COLEC10: variants seen among roughly 807,000 people sequenced by gnomAD.
COLEC10 encodes collectin-10.
COLEC10 carries 22 observed loss-of-function variants against 28.4 expected under a neutral mutation model. The ratio of observed to expected loss-of-function variants is 0.78; its 90% confidence interval spans 0.55 to 1.11. The LOEUF (loss-of-function observed/expected upper bound fraction) is 1.11. COLEC10 is among the 50% of genes least tolerant of loss of function. The pLI is 0.00. For synonymous variants in COLEC10, 125 were observed against 116.1 expected, an observed-to-expected ratio of 1.08 and a Z score of -0.49; for missense variants, 361 against 344.1, an observed-to-expected ratio of 1.05 and a Z score of -0.39.
At chr8:118,981,531 G>T in the COLEC10 span, among the ~76,000 whole-genome samples, 9 of 151,752 alleles carry the variant, frequency 5.9e-5, no homozygotes, top group African/African-American at 2.2e-4. Flanking sequence ...AAATTGTGTG[G>T]TATATTTTCT....
intron 1 of COLEC10, 71 bp from the exon 2 acceptor site, chr8:119,089,609 C>A: frequency 8.0e-7 from 1 of 1,254,178 alleles, no homozygotes; most frequent in Non-Finnish European, 1.2e-6. Context: ...CCATGTCCAC[C>A]TTACCCTGGG....
chr8:118,959,346 G>C, the COLEC10 span, among the ~76,000 whole-genome samples: 1 of 152,306 alleles, frequency 6.6e-6, no homozygotes, highest in Admixed American at 6.5e-5. Flanking sequence ...AGTGATTAGA[G>C]CTCAGGCTCT....
the COLEC10 span, among the ~76,000 whole-genome samples, chr8:118,959,680 C>A: frequency 2.0e-4 from 31 of 152,182 alleles, no homozygotes; most frequent in African/African-American, 6.3e-4. Context: ...GTTCATGCTA[C>A]AGCTACTACC....
At chr8:119,078,588 G>A (rs2465403) in intron 1 of COLEC10, among the ~76,000 whole-genome samples, 94,107 of 152,028 alleles carry the variant, frequency 0.62, 29,576 homozygotes, top group Middle Eastern at 0.74. Flanking sequence ...AATTCCAGCA[G>A]GCAGTTGGAA....
intron 2 of COLEC10, among the ~76,000 whole-genome samples, chr8:119,061,623 A>G (rs1814857880): frequency 6.6e-6 from 1 of 152,068 alleles, no homozygotes; most frequent in African/African-American, 2.4e-5. Context: ...CCCAGCCAAA[A>G]TATCACATAA....
chr8:118,959,056 C>A, the COLEC10 span, among the ~76,000 whole-genome samples: 1 of 152,312 alleles, frequency 6.6e-6, no homozygotes, highest in Admixed American at 6.5e-5. Context: ...TCCAAACAAC[C>A]TGGTACTTAC....
chr8:119,029,267 T>C (rs111610195), intron 2 of COLEC10, among the ~76,000 whole-genome samples: 2 of 152,314 alleles, frequency 1.3e-5, no homozygotes, highest in Admixed American at 6.5e-5. Context: ...GCAAAGGCCA[T>C]TCTGACTTCT....
intron 1 of COLEC10, among the ~76,000 whole-genome samples, chr8:119,081,417 C>A (rs1815367869): frequency 6.6e-6 from 1 of 151,988 alleles, no homozygotes; most frequent in Admixed American, 6.6e-5. Flanking sequence ...AAAAATATTA[C>A]TAATTTTTTA....
intron 2 of COLEC10, among the ~76,000 whole-genome samples, chr8:119,047,363 G>A (rs753025584): frequency 6.6e-6 from 1 of 152,170 alleles, no homozygotes; most frequent in Non-Finnish European, 1.5e-5. Flanking sequence ...CAAGCCAAAA[G>A]TGTGGCCATG....
chr8:118,983,687 A>G, the COLEC10 span, among the ~76,000 whole-genome samples: 2 of 152,182 alleles, frequency 1.3e-5, no homozygotes, highest in Non-Finnish European at 2.9e-5. Flanking sequence ...ATGAACAGAT[A>G]CTTTTCAAAA....
At chr8:118,972,151 G>A in the COLEC10 span, among the ~76,000 whole-genome samples, 2 of 151,872 alleles carry the variant, frequency 1.3e-5, no homozygotes, top group African/African-American at 2.4e-5. Flanking sequence ...ATGGTCATAT[G>A]TGCCTTGAGT....
intron 1 of COLEC10, among the ~76,000 whole-genome samples, chr8:119,086,479 T>A (rs960359690): frequency 6.6e-6 from 1 of 152,134 alleles, no homozygotes; most frequent in African/African-American, 2.4e-5. Flanking sequence ...CCAGGACCCA[T>A]GCTGAAGGCT....
chr8:119,103,676 G>T, intron 4 of COLEC10, 124 bp from the exon 5 acceptor site: 1 of 599,232 alleles, frequency 1.7e-6, no homozygotes, highest in East Asian at 2.9e-5. Flanking sequence ...TTAAAGTATA[G>T]CCATTCACAG....
At chr8:118,978,642 T>TTA in the COLEC10 span, among the ~76,000 whole-genome samples, 1 of 152,182 alleles carries the variant, frequency 6.6e-6, no homozygotes, top group Non-Finnish European at 1.5e-5. Context: ...TCACCTTGCA[T>TTA]TATATATATA....
At chr8:119,091,595 G>GAGAAAGAAAGAAAGAAAGAAAGAA (rs200954056) in intron 3 of COLEC10, among the ~76,000 whole-genome samples, 7 of 138,488 alleles carry the variant, frequency 5.1e-5, no homozygotes, top group African/African-American at 1.7e-4. Flanking sequence ...GAGAGAGAGA[G>GAGAAAGAAAGAAAGAAAGAAAGAA]AGAAAGAAAG....
chr8:118,984,127 T>C, the COLEC10 span, among the ~76,000 whole-genome samples: 3 of 145,888 alleles, frequency 2.1e-5, no homozygotes, highest in African/African-American at 7.7e-5. Flanking sequence ...GTGGCACATA[T>C]ACATCATGGA....
chr8:119,071,935 G>T (rs1815133008), intron 1 of COLEC10, among the ~76,000 whole-genome samples: 1 of 152,110 alleles, frequency 6.6e-6, no homozygotes, highest in Admixed American at 6.5e-5. Context: ...TCCCAAAAAA[G>T]GACTACTCCT....
chr8:118,957,715 C>T, the COLEC10 span, among the ~76,000 whole-genome samples: 2 of 152,294 alleles, frequency 1.3e-5, no homozygotes, highest in South Asian at 4.1e-4. Context: ...GTCTCCAGGA[C>T]AATCATCACT....
chr8:118,992,474 T>C (rs1692331006), upstream of COLEC10, among the ~76,000 whole-genome samples: 1 of 152,174 alleles, frequency 6.6e-6, no homozygotes, highest in South Asian at 2.1e-4. Flanking sequence ...AAGTGTTGCC[T>C]ATAAGTTTAT....
Sources: gnomAD v4.1 joint callset for allele counts (sites outside exome capture counted in the v4.1 genomes callset) on GRCh38, gnomAD v4.1.1 for gene constraint, MANE v1.5 for transcripts, NCBI Gene and HGNC (gene_info 2026-07-23, HGNC 2026-07-21) for gene names.